The following MAST4 variants were observed in gnomAD, a reference collection of about 807,000 sequenced individuals.
MAST4 encodes microtubule-associated serine/threonine-protein kinase 4.
In MAST4, 89 loss-of-function variants were observed where a neutral mutation model predicts 162.7. The ratio of observed to expected loss-of-function variants is 0.55; its 90% CI spans 0.46 to 0.65. The LOEUF (loss-of-function observed/expected upper bound fraction) is 0.65. Ranked by LOEUF, MAST4 falls within the 30% of genes least tolerant of loss-of-function variation. MAST4 has a pLI of 0.00. For synonymous variants in MAST4, 1,479 were observed against 1,361.1 expected (o/e 1.09, Z -1.91); for missense variants, 3,153 against 3,374.0 (o/e 0.93, Z 1.62).
chr5:66,828,722 C>A, intron 3 of MAST4: 1 of 1,441,756 alleles, frequency 6.9e-7, no homozygotes, highest in Non-Finnish European at 9.5e-7. Context: ...CTCCGGGCTC[C>A]AATCAGCTAG....
chr5:66,640,011 C>G (rs1745381951), intron 1 of MAST4, among the ~76,000 whole-genome samples: 1 of 152,120 alleles, frequency 6.6e-6, no homozygotes, highest in African/African-American at 2.4e-5. Context: ...ATTATAGTCC[C>G]CATGCTGTAC....
intron 4 of MAST4, among the ~76,000 whole-genome samples, chr5:66,902,186 G>A (rs1763053836): frequency 6.6e-6 from 1 of 152,170 alleles, no homozygotes; most frequent in South Asian, 2.1e-4. Context: ...TTAACAGTAA[G>A]CAACTGCACA....
At chr5:66,987,423 T>A (rs571510763) in intron 4 of MAST4, among the ~76,000 whole-genome samples, 282 of 86,908 alleles carry the variant, frequency 3.2e-3, no homozygotes, top group Middle Eastern at 0.011. Flanking sequence ...CAAAAATAAT[T>A]ATAATACCCT....
At chr5:66,797,020 T>G (rs1239380294) in intron 3 of MAST4, among the ~76,000 whole-genome samples, 3 of 152,222 alleles carry the variant, frequency 2.0e-5, no homozygotes, top group East Asian at 3.8e-4. Flanking sequence ...TTTCCGTGTC[T>G]GAGGAAATGA....
At chr5:66,837,894 A>ATATATATATATATATTT (rs1554057455) in intron 3 of MAST4, among the ~76,000 whole-genome samples, 1 of 53,712 alleles carries the variant, frequency 1.9e-5, no homozygotes, top group Non-Finnish European at 3.0e-5. Flanking sequence ...ATATATATAT[A>ATATATATATATATATTT]TTTTTTTTTT....
intron 4 of MAST4, among the ~76,000 whole-genome samples, chr5:66,933,061 A>AT (rs1186044949): frequency 6.6e-6 from 1 of 152,086 alleles, no homozygotes; most frequent in Non-Finnish European, 1.5e-5. Flanking sequence ...GAAACCAGAG[A>AT]TTTTTTGCCT....
chr5:67,077,834 T>A (rs1761843132), intron 5 of MAST4, among the ~76,000 whole-genome samples: 1 of 152,180 alleles, frequency 6.6e-6, no homozygotes, highest in Non-Finnish European at 1.5e-5. Flanking sequence ...GTGCAGTGGC[T>A]CATGCCTATA....
chr5:67,025,824 G>A (rs1469165873), intron 4 of MAST4, among the ~76,000 whole-genome samples: 1 of 152,178 alleles, frequency 6.6e-6, no homozygotes, highest in Non-Finnish European at 1.5e-5. Context: ...TGCCTCTGGA[G>A]GGCCCCAAGG....
chr5:67,117,433 C>G (rs916983695), intron 12 of MAST4, among the ~76,000 whole-genome samples: 3 of 152,060 alleles, frequency 2.0e-5, no homozygotes, highest in Non-Finnish European at 1.5e-5. Context: ...CTTCATATCT[C>G]TTAGGCATAA....
chr5:66,959,004 T>A (rs925625703), intron 4 of MAST4: 5 of 465,560 alleles, frequency 1.1e-5, no homozygotes, highest in African/African-American at 1.9e-5. Flanking sequence ...TATGCAGAGC[T>A]GCAAGCCTCG....
At chr5:66,630,476 T>C (rs998786658) in intron 1 of MAST4, among the ~76,000 whole-genome samples, 3 of 152,164 alleles carry the variant, frequency 2.0e-5, no homozygotes, top group Admixed American at 2.0e-4. Flanking sequence ...TTGTTCTATC[T>C]TGAAAAGGAG....
In MAST4 at chr5:67,153,575, C is replaced by T; in HGVS notation, c.3643C>T (p.Leu1215=). 1 of 1,580,998 alleles carries T rather than the reference C, an allele frequency of 6.3e-7. No individual in the cohort carries two copies. Among genetic ancestry groups the T allele is most frequent in the African/African-American group, 1.3e-5 (1 of 74,304 alleles). The change falls in exon 26 of 29, where the codon CTG becomes TTG. Residue 1215 remains leucine (L), a synonymous_variant. Transcript: ENST00000403625. ...LVHTEVIELL[L]KSGNKVSITT... is the part of the protein sequence containing the mutation. ...CCACACAGAAGTTATAGAACTCCTACTGAAGGTATTGTATGTTTTATGTCA... is the reference window on the plus strand; with the variant it reads ...CCACACAGAAGTTATAGAACTCCTATTGAAGGTATTGTATGTTTTATGTCA...
intron 4 of MAST4, among the ~76,000 whole-genome samples, chr5:66,953,599 A>G (rs1397569174): frequency 6.6e-6 from 1 of 152,200 alleles, no homozygotes; most frequent in Non-Finnish European, 1.5e-5. Flanking sequence ...AGAAGTATAT[A>G]CATACACTAA....
At chr5:66,946,651 A>G (rs1276820735) in intron 4 of MAST4, among the ~76,000 whole-genome samples, 1 of 152,160 alleles carries the variant, frequency 6.6e-6, no homozygotes, top group Admixed American at 6.5e-5. Context: ...ACAAGCGGTA[A>G]TATATATGGT....
intron 1 of MAST4, among the ~76,000 whole-genome samples, chr5:66,609,249 G>T (rs923513123): frequency 8.6e-5 from 13 of 151,984 alleles, no homozygotes; most frequent in African/African-American, 2.9e-4. Context: ...ATTTAAAAAG[G>T]TTTGTAGGAT....
In MAST4 at chr5:66,688,405, A is replaced by G. The variant is rs139021177; in HGVS notation, c.364-71304A>G. Among the ~76,000 whole-genome samples, 713 of 152,286 alleles carry G rather than the reference A, an allele frequency of 4.7e-3. 2 individuals carry two copies. Among genetic ancestry groups the G allele is most frequent in the African/African-American group, 0.016 (671 of 41,570 alleles). Reference sequence around the variant, plus strand: ...TCCTGAAGTGCTATCTGGAAGTGCTATAATGGTTTCAGACCAAGTTTGGAT... The same window carrying G: ...TCCTGAAGTGCTATCTGGAAGTGCTGTAATGGTTTCAGACCAAGTTTGGAT... On this transcript the variant is annotated intron_variant, in intron 1 of 28. Coordinates refer to ENST00000403625, the MANE Select transcript of MAST4 (RefSeq NM_001164664.2).
At chr5:67,159,373 T>G (rs1318280573) in intron 26 of MAST4, among the ~76,000 whole-genome samples, 4 of 152,198 alleles carry the variant, frequency 2.6e-5, no homozygotes, top group African/African-American at 9.7e-5. Flanking sequence ...ATCTTCTTAC[T>G]GTAGCATGGA....
chr5:67,091,557 A>G (rs938758640), intron 6 of MAST4, among the ~76,000 whole-genome samples: 3 of 152,226 alleles, frequency 2.0e-5, no homozygotes, highest in Non-Finnish European at 4.4e-5. Context: ...CCAAGTGGAA[A>G]GAATATCCTA....
intron 11 of MAST4, among the ~76,000 whole-genome samples, chr5:67,111,365 C>T (rs762691734): frequency 2.6e-5 from 4 of 152,046 alleles, no homozygotes; most frequent in South Asian, 2.1e-4. Flanking sequence ...GTGAAATATT[C>T]GCAGCACCAT....
Sources: gnomAD v4.1 joint callset for allele counts (sites outside exome capture counted in the v4.1 genomes callset) on GRCh38, gnomAD v4.1.1 for gene constraint, MANE v1.5 for transcripts, NCBI Gene and HGNC (gene_info 2026-07-23, HGNC 2026-07-21) for gene names.